MGAT4C: variants seen among roughly 807,000 people sequenced by gnomAD.
MGAT4C encodes the protein MGAT4 family member C.
In MGAT4C, 19 loss-of-function variants were observed where a neutral mutation model predicts 40.1. The observed-to-expected ratio is 0.47, with a 90% CI of 0.33 to 0.70. The LOEUF (loss-of-function observed/expected upper bound fraction) is 0.70. Ranked by LOEUF, MGAT4C falls within the 30% of genes least tolerant of loss-of-function variation. MGAT4C has a pLI of 0.02. For synonymous variants in MGAT4C, 181 were observed against 187.1 expected, an observed-to-expected ratio of 0.97 and a Z score of 0.27; for missense variants, 491 against 563.2, an observed-to-expected ratio of 0.87 and a Z score of 1.30.
intron 1 of MGAT4C, among the ~76,000 whole-genome samples, chr12:86,763,380 T>C (rs1405985179): frequency 6.6e-6 from 1 of 152,220 alleles, no homozygotes; most frequent in African/African-American, 2.4e-5. Context: ...TTTTTCATGT[T>C]ACTGCAACCG....
At chr12:86,023,952 C>T (rs1303030983) in intron 2 of MGAT4C, among the ~76,000 whole-genome samples, 1 of 151,840 alleles carries the variant, frequency 6.6e-6, no homozygotes, top group East Asian at 1.9e-4. Context: ...AAAACCTCCA[C>T]ATATTATCTT....
intron 2 of MGAT4C, among the ~76,000 whole-genome samples, chr12:86,651,345 A>T (rs1313257162): frequency 2.0e-5 from 3 of 151,880 alleles, no homozygotes; most frequent in African/African-American, 7.2e-5. Context: ...AAACAGCTAA[A>T]TATGTCAGGT....
At chr12:86,079,794 CAT>C (rs1367599689) in intron 1 of MGAT4C, among the ~76,000 whole-genome samples, 2 of 151,422 alleles carry the variant, frequency 1.3e-5, no homozygotes, top group Non-Finnish European at 2.9e-5. Flanking sequence ...CAAATACAAA[CAT>C]ATTTCTGAAT....
intron 1 of MGAT4C, among the ~76,000 whole-genome samples, chr12:86,136,094 G>T (rs1217806155): frequency 6.6e-6 from 1 of 152,110 alleles, no homozygotes; most frequent in Non-Finnish European, 1.5e-5. Context: ...AAGGGAATTT[G>T]ATTTTGCAAA....
intron 1 of MGAT4C, among the ~76,000 whole-genome samples, chr12:86,144,193 T>C (rs1426938726): frequency 3.9e-5 from 6 of 152,242 alleles, no homozygotes; most frequent in Non-Finnish European, 1.5e-5. Flanking sequence ...TTCGTTTATA[T>C]ATCCTGGTCC....
intron 2 of MGAT4C, among the ~76,000 whole-genome samples, chr12:86,472,739 A>G (rs944544121): frequency 6.6e-6 from 1 of 152,180 alleles, no homozygotes; most frequent in Non-Finnish European, 1.5e-5. Flanking sequence ...TATTAGAAGC[A>G]GTTTTGAGTC....
chr12:86,227,916 G>A (rs1261565109), intron 1 of MGAT4C, among the ~76,000 whole-genome samples: 1 of 151,798 alleles, frequency 6.6e-6, no homozygotes, highest in Non-Finnish European at 1.5e-5. Context: ...TTTAATATCA[G>A]GCTAGAGTTT....
intron 3 of MGAT4C, among the ~76,000 whole-genome samples, chr12:86,356,499 G>A (rs1400904000): frequency 1.3e-5 from 2 of 152,178 alleles, no homozygotes; most frequent in South Asian, 2.1e-4. Flanking sequence ...AGCGCACGGA[G>A]CATGAGACAA....
chr12:86,303,257 A>G (rs578223514), intron 4 of MGAT4C, among the ~76,000 whole-genome samples: 6 of 150,572 alleles, frequency 4.0e-5, no homozygotes, highest in Non-Finnish European at 8.8e-5. Context: ...TTAATTGATT[A>G]TGTCTGTATT....
At chr12:86,114,402 A>T (rs897595423) in intron 1 of MGAT4C, among the ~76,000 whole-genome samples, 13 of 151,922 alleles carry the variant, frequency 8.6e-5, no homozygotes, top group Non-Finnish European at 1.8e-4. Context: ...TCTTCAACAG[A>T]GGTTTGCGAG....
At chr12:86,139,835 G>A (rs1485913005) in intron 1 of MGAT4C, among the ~76,000 whole-genome samples, 4 of 152,090 alleles carry the variant, frequency 2.6e-5, no homozygotes, top group Non-Finnish European at 5.9e-5. Context: ...TACCTGCAGT[G>A]CATGAGAATT....
Position 86,503,787 on chromosome 12 carries a change from C to CATATATATATATAT in MGAT4C, c.-228-68536_-228-68523dup, listed in dbSNP as rs10679798. Among the ~76,000 whole-genome samples, 110 of 15,744 alleles carry CATATATATATATAT rather than the reference C, an allele frequency of 7.0e-3. 32 individuals are homozygous for CATATATATATATAT. Among genetic ancestry groups the CATATATATATATAT allele is most frequent in the Non-Finnish European group, 0.01 (83 of 8,276 alleles). The allele number at this position is 15,744 out of a possible 152,430, so 10.3% of individuals were successfully genotyped here. A position where few individuals can be genotyped will look rare whatever the true frequency, so the allele number is the denominator to read the frequency against. ...ATATATATATATATAGAGTTCTGCT[C>CATATATATATATAT]ATATATATATATATATATATATATA... On this transcript the variant is annotated intron_variant, in intron 2 of 7. Transcript: ENST00000548651.
intron 1 of MGAT4C, among the ~76,000 whole-genome samples, chr12:86,101,023 AT>A (rs907650564): frequency 4.0e-5 from 6 of 151,424 alleles, no homozygotes; most frequent in Admixed American, 6.6e-5. Context: ...TATTTTTCCT[AT>A]TTTTTTTCTA....
At chr12:85,998,844 C>G (rs142997281) in intron 2 of MGAT4C, among the ~76,000 whole-genome samples, 111 of 152,264 alleles carry the variant, frequency 7.3e-4, no homozygotes, top group African/African-American at 2.6e-3. Flanking sequence ...CTGTTCCAAC[C>G]CCTGCCTGTT....
chr12:86,195,127 C>G (rs1043132239), intron 1 of MGAT4C, among the ~76,000 whole-genome samples: 1 of 152,164 alleles, frequency 6.6e-6, no homozygotes, highest in African/African-American at 2.4e-5. Flanking sequence ...TCCCAAGATA[C>G]TGCCCAAAGC....
chr12:86,668,361 T>C (rs1014342313), intron 2 of MGAT4C, among the ~76,000 whole-genome samples: 1 of 152,070 alleles, frequency 6.6e-6, no homozygotes, highest in Non-Finnish European at 1.5e-5. Flanking sequence ...TCCCAGTACA[T>C]GAGAGAGGAA....
intron 1 of MGAT4C, among the ~76,000 whole-genome samples, chr12:86,254,917 A>G (rs1952454305): frequency 6.6e-6 from 1 of 152,112 alleles, no homozygotes; most frequent in Admixed American, 6.6e-5. Context: ...TAATGTCTAG[A>G]GCTGCCAAAC....
intron 1 of MGAT4C, among the ~76,000 whole-genome samples, chr12:86,095,630 T>G (rs1284507704): frequency 6.7e-6 from 1 of 148,580 alleles, no homozygotes; most frequent in Non-Finnish European, 1.5e-5. Flanking sequence ...TAGAGAGGAC[T>G]ATTTTCTTTT....
At chr12:86,003,815 T>TG (rs1006270684) in intron 2 of MGAT4C, among the ~76,000 whole-genome samples, 1 of 151,742 alleles carries the variant, frequency 6.6e-6, no homozygotes, top group Non-Finnish European at 1.5e-5. Context: ...AAAACTAGAT[T>TG]TTTTTTTCTG....
Sources: gnomAD v4.1 joint callset for allele counts (sites outside exome capture counted in the v4.1 genomes callset) on GRCh38, gnomAD v4.1.1 for gene constraint, MANE v1.5 for transcripts, NCBI Gene and HGNC (gene_info 2026-07-23, HGNC 2026-07-21) for gene names.